The following DENND1A variants were observed in gnomAD, a reference collection of about 807,000 sequenced individuals.
DENND1A encodes the protein DENN domain-containing protein 1A.
DENND1A carries 51 observed loss-of-function variants against 113.7 expected under a neutral mutation model. The ratio of observed to expected loss-of-function variants is 0.45; its 90% CI spans 0.36 to 0.57. The LOEUF (loss-of-function observed/expected upper bound fraction) is 0.57. Among genes scored for constraint, DENND1A ranks in the 20% least tolerant of loss-of-function variants. The probability of loss-of-function intolerance (pLI) is 0.00; values close to 1 mark genes in which losing one functional copy is unlikely to be tolerated. For missense variants in DENND1A, 1,258 were observed against 1,395.9 expected, an observed-to-expected ratio of 0.90 and a Z score of 1.57; for synonymous variants, 565 against 570.8, an observed-to-expected ratio of 0.99 and a Z score of 0.14.
chr9:123,463,992 G>C (rs1200462697), intron 13 of DENND1A, among the ~76,000 whole-genome samples: 1 of 152,002 alleles, frequency 6.6e-6, no homozygotes, highest in South Asian at 2.1e-4. Flanking sequence ...TAGGTGATGG[G>C]TTGATAGGTA....
At chr9:123,740,643 T>G (rs1047390445) in intron 5 of DENND1A, among the ~76,000 whole-genome samples, 4 of 152,206 alleles carry the variant, frequency 2.6e-5, no homozygotes, top group African/African-American at 9.6e-5. Context: ...AGGTATCTTA[T>G]ATAACATATT....
rs576177336 is a variant in DENND1A, at chr9:123,663,509, A to G, written c.507+3517T>C. Among the ~76,000 whole-genome samples, 106 of 152,252 alleles carry G rather than the reference A, an allele frequency of 7.0e-4. 3 individuals are homozygous for G. The East Asian group carries it at 0.02, about 29-fold the overall frequency. On this transcript the variant is annotated intron_variant, in intron 8 of 23. Coordinates refer to ENST00000394215, the MANE Select transcript of DENND1A (RefSeq NM_001352964.2). ...TTTGGTGTGATTTAGTACATGATCA[A>G]TTCTTATAAATGTCCCATGGCATTT...
chr9:123,663,088 A>G (rs1198427017), intron 8 of DENND1A, among the ~76,000 whole-genome samples: 2 of 152,244 alleles, frequency 1.3e-5, no homozygotes, highest in African/African-American at 4.8e-5. Context: ...ATGTAGTACT[A>G]CATGTTTTTA....
intron 19 of DENND1A, among the ~76,000 whole-genome samples, chr9:123,424,186 G>A (rs1236829219): frequency 1.3e-5 from 2 of 152,172 alleles, no homozygotes; most frequent in African/African-American, 4.8e-5. Context: ...TTCTGCCCCT[G>A]AGCAGAAACT....
At chr9:123,598,756 C>T (rs2059813930) in intron 11 of DENND1A, among the ~76,000 whole-genome samples, 2 of 152,100 alleles carry the variant, frequency 1.3e-5, no homozygotes, top group African/African-American at 4.8e-5. Context: ...ACTTATCAAG[C>T]TTCATAATTT....
At chr9:123,900,961 T>C (rs1159700164) in intron 1 of DENND1A, among the ~76,000 whole-genome samples, 1 of 152,198 alleles carries the variant, frequency 6.6e-6, no homozygotes, top group Non-Finnish European at 1.5e-5. Context: ...AAATATAAAC[T>C]ATTTGGAATA....
At chr9:123,643,173 C>G (rs887800175) in intron 9 of DENND1A, among the ~76,000 whole-genome samples, 4 of 152,278 alleles carry the variant, frequency 2.6e-5, no homozygotes, top group Admixed American at 6.5e-5. Context: ...CCACAGGGTA[C>G]CCGGTCCTGC....
chr9:123,569,503 T>C (rs1035754909), intron 12 of DENND1A: 3 of 152,238 alleles, frequency 2.0e-5, no homozygotes, highest in Non-Finnish European at 2.9e-5. Flanking sequence ...GCATCTTTAA[T>C]GAAGTCCCAT....
chr9:123,499,231 A>G (rs2134188057), intron 13 of DENND1A, among the ~76,000 whole-genome samples: 1 of 151,776 alleles, frequency 6.6e-6, no homozygotes, highest in Non-Finnish European at 1.5e-5. Context: ...AGGGGGTTTC[A>G]CCACGTTGGC....
intron 10 of DENND1A, among the ~76,000 whole-genome samples, chr9:123,622,399 C>T (rs753700230): frequency 2.0e-5 from 3 of 152,208 alleles, no homozygotes; most frequent in Non-Finnish European, 2.9e-5. Context: ...CATATGGTTT[C>T]TACTGGGACC....
At chr9:123,923,893 C>T (rs1856680247) in intron 1 of DENND1A, among the ~76,000 whole-genome samples, 1 of 152,140 alleles carries the variant, frequency 6.6e-6, no homozygotes, top group Admixed American at 6.6e-5. Context: ...CAAAATGTTA[C>T]ATAGAGTTAC....
Position 123,495,147 on chromosome 9 carries a change from C to G in DENND1A, c.994-37250G>C, listed in dbSNP as rs1011646063. Reference sequence around the variant, plus strand: ...ATGACCCATCATTGTCTCTTTCTCTCTCTCTCTCTCTCTCTCTCTCTCTTA... The same window carrying G: ...ATGACCCATCATTGTCTCTTTCTCTGTCTCTCTCTCTCTCTCTCTCTCTTA... On this transcript the variant is annotated intron_variant, in intron 13 of 23. Coordinates refer to ENST00000394215, the MANE Select transcript of DENND1A (RefSeq NM_001352964.2). Among the ~76,000 whole-genome samples, 3 of 31,970 alleles carry G rather than the reference C, an allele frequency of 9.4e-5. No homozygotes were observed. The East Asian group carries it at 7.2e-3, about 76-fold the overall frequency. 21.0% of individuals were successfully genotyped at this position (31,970 alleles called of 152,430 possible). A position where few individuals can be genotyped will look rare whatever the true frequency, so the allele number is the denominator to read the frequency against.
chr9:123,779,188 T>A (rs1183449742), intron 3 of DENND1A, among the ~76,000 whole-genome samples: 1 of 152,170 alleles, frequency 6.6e-6, no homozygotes, highest in Non-Finnish European at 1.5e-5. Flanking sequence ...AAAGCAATAT[T>A]GAAAGAGCAG....
At chr9:123,563,508 A>G (rs1322987103) in intron 12 of DENND1A, among the ~76,000 whole-genome samples, 1 of 152,232 alleles carries the variant, frequency 6.6e-6, no homozygotes, top group Non-Finnish European at 1.5e-5. Flanking sequence ...CAACATGTAT[A>G]CATTGTGAGG....
chr9:123,680,886 C>G (rs1299493230), intron 5 of DENND1A, among the ~76,000 whole-genome samples: 1 of 152,094 alleles, frequency 6.6e-6, no homozygotes, highest in African/African-American at 2.4e-5. Flanking sequence ...GAGAGGCTGA[C>G]CAAGTCGAGG....
chr9:123,457,549 A>T, intron 14 of DENND1A, 114 bp from the exon 15 acceptor site: 1 of 902,078 alleles, frequency 1.1e-6, no homozygotes, highest in South Asian at 1.5e-5. Context: ...GTAAGGTTCA[A>T]CAGGCAAGTT....
intron 2 of DENND1A, among the ~76,000 whole-genome samples, chr9:123,836,386 T>C (rs1370545355): frequency 6.6e-6 from 1 of 152,188 alleles, no homozygotes; most frequent in Non-Finnish European, 1.5e-5. Flanking sequence ...CACAAATTTC[T>C]TGACTATGGG....
intron 13 of DENND1A, among the ~76,000 whole-genome samples, chr9:123,486,761 C>T (rs557785953): frequency 2.6e-5 from 4 of 152,324 alleles, no homozygotes; most frequent in African/African-American, 7.2e-5. Flanking sequence ...CCATACCTTC[C>T]ATGGTCCCCC....
At chr9:123,923,072 C>T (rs903120479) in intron 1 of DENND1A, among the ~76,000 whole-genome samples, 4 of 152,180 alleles carry the variant, frequency 2.6e-5, no homozygotes, top group African/African-American at 9.6e-5. Flanking sequence ...GATTAGCTCT[C>T]CCTAGGGCCA....
Sources: gnomAD v4.1 joint callset for allele counts (sites outside exome capture counted in the v4.1 genomes callset) on GRCh38, gnomAD v4.1.1 for gene constraint, MANE v1.5 for transcripts, NCBI Gene and HGNC (gene_info 2026-07-23, HGNC 2026-07-21) for gene names.